The following TANK variants were observed in gnomAD, a reference collection of about 807,000 sequenced individuals.
The protein encoded by TANK is TRAF family member associated NFKB activator, also known as TRAF family member-associated NF-kappa-B activator.
Under a neutral mutation model 43.6 loss-of-function variants are expected in TANK, and 15 were observed. That is an observed-to-expected ratio of 0.34 (90% CI 0.23 to 0.53). The LOEUF is 0.53. Among genes scored for constraint, TANK ranks in the 20% least tolerant of loss-of-function variants. TANK has a pLI of 0.94. For synonymous variants in TANK, 162 were observed against 178.2 expected (o/e 0.91, Z 0.73); for missense variants, 417 against 498.6 (o/e 0.84, Z 1.56).
chr2:161,137,405 A>G (rs1683617406), intron 1 of TANK, among the ~76,000 whole-genome samples: 1 of 152,186 alleles, frequency 6.6e-6, no homozygotes, highest in Admixed American at 6.5e-5. Flanking sequence ...GCCAAGACCA[A>G]GGAAAATTTT....
intron 6 of TANK, among the ~76,000 whole-genome samples, chr2:161,228,413 C>G (rs1687739255): frequency 6.6e-6 from 1 of 152,142 alleles, no homozygotes; most frequent in Non-Finnish European, 1.5e-5. Flanking sequence ...TGCCCGTAAT[C>G]CCAGCTACTC....
rs958365798 is a variant in TANK at position 161,160,439 on chromosome 2, C to A, written c.-97C>A. The A allele has an allele frequency of 4.0e-6, 5 of 1,239,422 alleles. No individual in the cohort carries two copies. In the East Asian group the frequency reaches 1.3e-4, roughly 31 times the overall value. 76.8% of individuals were successfully genotyped at this position (1,239,422 alleles called of 1,614,324 possible). On this transcript the variant is annotated 5_prime_UTR_variant, in exon 1 of 8. Coordinates refer to ENST00000392749, the MANE Select transcript of TANK (RefSeq NM_001199135.3). ...TTCCGGTTGGAGTCACTCGGCCAGGCGCCGGCGACCTGAGGGGAGAGGGAA... is the reference window on the plus strand; with the variant it reads ...TTCCGGTTGGAGTCACTCGGCCAGGAGCCGGCGACCTGAGGGGAGAGGGAA...
rs373561570 is a variant in TANK at position 161,165,576 on chromosome 2, T to G, written c.-50+5090T>G. Among the ~76,000 whole-genome samples, 7 of 152,184 alleles carry G rather than the reference T, an allele frequency of 4.6e-5. No homozygotes were observed. In the East Asian group the frequency reaches 7.7e-4, roughly 17 times the overall value. ...TTCCTTTCTGATAAACATTAAAATC[T>G]CACAAATCCTAGAGGATTGTAATAC... On this transcript the variant is annotated intron_variant, in intron 1 of 7. Transcript: ENST00000392749.
At chr2:161,182,443 T>C (rs1304149071) in intron 2 of TANK, among the ~76,000 whole-genome samples, 1 of 152,156 alleles carries the variant, frequency 6.6e-6, no homozygotes, top group African/African-American at 2.4e-5. Flanking sequence ...CTAGAGTGGC[T>C]CACAGAACTC....
intron 1 of TANK, among the ~76,000 whole-genome samples, chr2:161,176,460 ATT>A (rs1372119051): frequency 9.9e-5 from 15 of 152,134 alleles, no homozygotes; most frequent in Non-Finnish European, 1.0e-4. Flanking sequence ...TCCGTGTGGA[ATT>A]TACTCAGTAG....
At chr2:161,202,275 C>T (rs1336718981) in intron 2 of TANK, among the ~76,000 whole-genome samples, 3 of 149,252 alleles carry the variant, frequency 2.0e-5, no homozygotes, top group African/African-American at 5.0e-5. Flanking sequence ...CTGCAAGCTC[C>T]GCCTCCCGGG....
Position 161,160,460 on chromosome 2 carries a change from G to C in TANK, c.-76G>C. 8.1e-7 allele frequency: 1 copy of C among 1,238,510 alleles called. No individual in the cohort carries two copies. Among genetic ancestry groups the C allele is most frequent in the Non-Finnish European group, 1.0e-6 (1 of 990,924 alleles). The allele number at this position is 1,238,510 out of a possible 1,614,324, so 76.7% of individuals were successfully genotyped here. On this transcript the variant is annotated 5_prime_UTR_variant, in exon 1 of 8. Transcript: ENST00000392749. The stretch of plus-strand genomic sequence containing the variant: ...CAGGCGCCGGCGACCTGAGGGGAGA[G>C]GGAACGCAGCTGAAAGCGTGAACTG...
chr2:161,232,770 T>C (rs1265069583), intron 7 of TANK: 12 of 1,550,412 alleles, frequency 7.7e-6, no homozygotes, highest in South Asian at 3.6e-5. Flanking sequence ...CACCCTGCAT[T>C]GTACATTTGC....
chr2:161,148,372 ATTGT>A (rs1200705548), intron 1 of TANK, among the ~76,000 whole-genome samples: 3 of 151,702 alleles, frequency 2.0e-5, no homozygotes, highest in Non-Finnish European at 2.9e-5. Flanking sequence ...TTTTAATTGG[ATTGT>A]TTGTCTTTTT....
intron 4 of TANK, among the ~76,000 whole-genome samples, chr2:161,218,047 A>G (rs1232917964): frequency 1.3e-5 from 2 of 152,198 alleles, no homozygotes; most frequent in Non-Finnish European, 2.9e-5. Flanking sequence ...TTGTCAAAGA[A>G]AATACTGCCA....
At chr2:161,212,476 C>G in intron 4 of TANK, 3 of 985,164 alleles carry the variant, frequency 3.0e-6, no homozygotes, top group Non-Finnish European at 3.6e-6. Context: ...TAATCCTAAC[C>G]CTTTCCTGCT....
intron 4 of TANK, chr2:161,211,865 C>T (rs1382408115): frequency 6.1e-6 from 6 of 985,014 alleles, no homozygotes; most frequent in Non-Finnish European, 7.2e-6. Context: ...GCAAATGTAC[C>T]GCTTCTCCTG....
At chr2:161,145,133 CTTTTTTTT>C (rs144526006) in intron 1 of TANK, among the ~76,000 whole-genome samples, 1 of 32,830 alleles carries the variant, frequency 3.0e-5, no homozygotes, top group Admixed American at 5.0e-4. Flanking sequence ...GCAACCCCTG[CTTTTTTTT>C]TTTTTTTTTT....
chr2:161,155,129 A>C, intron 1 of TANK, among the ~76,000 whole-genome samples: 1 of 152,334 alleles, frequency 6.6e-6, no homozygotes, highest in Non-Finnish European at 1.5e-5. Flanking sequence ...TTCAATTATT[A>C]GAATGAGATC....
chr2:161,213,769 G>A (rs1230864997), intron 4 of TANK, among the ~76,000 whole-genome samples: 1 of 150,866 alleles, frequency 6.6e-6, no homozygotes, highest in African/African-American at 2.4e-5. Flanking sequence ...AAGGGGAAGA[G>A]TATTTTAATA....
At chr2:161,144,805 TA>T (rs2105216817) in intron 1 of TANK, among the ~76,000 whole-genome samples, 1 of 152,336 alleles carries the variant, frequency 6.6e-6, no homozygotes, top group African/African-American at 2.4e-5. Context: ...TGTAGATTTC[TA>T]TTAGGTCCAC....
At chr2:161,149,293 T>C (rs1232249301) in intron 1 of TANK, among the ~76,000 whole-genome samples, 1 of 152,206 alleles carries the variant, frequency 6.6e-6, no homozygotes, top group Non-Finnish European at 1.5e-5. Context: ...AGAGGGTTCA[T>C]TGGCAATGTA....
chr2:161,182,056 C>T (rs1014693144), intron 2 of TANK, among the ~76,000 whole-genome samples: 3 of 151,572 alleles, frequency 2.0e-5, no homozygotes, highest in Non-Finnish European at 4.4e-5. Flanking sequence ...AACAGGAGAA[C>T]GTCACAGAAT....
chr2:161,210,882 A>G (rs926497115), intron 4 of TANK, among the ~76,000 whole-genome samples: 1 of 152,198 alleles, frequency 6.6e-6, no homozygotes, highest in Non-Finnish European at 1.5e-5. Context: ...TTATGTGTGC[A>G]TAGATAAGTA....
Sources: gnomAD v4.1 joint callset for allele counts (sites outside exome capture counted in the v4.1 genomes callset) on GRCh38, gnomAD v4.1.1 for gene constraint, MANE v1.5 for transcripts, NCBI Gene and HGNC (gene_info 2026-07-23, HGNC 2026-07-21) for gene names.